The following ELMO1 variants were observed in gnomAD, a reference collection of about 807,000 sequenced individuals.
ELMO1 encodes the protein engulfment and cell motility protein 1.
In ELMO1, 26 loss-of-function variants were observed where a neutral mutation model predicts 98.9. The ratio of observed to expected loss-of-function variants is 0.26; its 90% confidence interval spans 0.19 to 0.36. ELMO1 has a LOEUF of 0.36. ELMO1 is among the 10% of genes least tolerant of loss of function. The probability of loss-of-function intolerance (pLI) is 1.00; values close to 1 mark genes in which losing one functional copy is unlikely to be tolerated. For synonymous variants in ELMO1, 346 were observed against 346.0 expected (o/e 1.00, Z 0.00); for missense variants, 627 against 935.2 (o/e 0.67, Z 4.30).
intron 6 of ELMO1, among the ~76,000 whole-genome samples, chr7:37,257,968 T>G (rs1795772362): frequency 6.6e-6 from 1 of 151,486 alleles, no homozygotes; most frequent in African/African-American, 2.4e-5. Flanking sequence ...ACCCCATCTC[T>G]ACTAAAAATA....
intron 13 of ELMO1, among the ~76,000 whole-genome samples, chr7:37,175,970 T>C (rs369989223): frequency 6.6e-6 from 1 of 152,204 alleles, no homozygotes; most frequent in African/African-American, 2.4e-5. Flanking sequence ...CTGCAATACC[T>C]GAAAATGATT....
intron 2 of ELMO1, among the ~76,000 whole-genome samples, chr7:37,331,697 C>CA (rs1449200835): frequency 6.6e-6 from 1 of 151,908 alleles, no homozygotes. Flanking sequence ...GGAAGAGGTC[C>CA]AGAGAGGGTG....
intron 20 of ELMO1, among the ~76,000 whole-genome samples, chr7:36,868,997 T>G (rs1803283422): frequency 6.6e-6 from 1 of 152,130 alleles, no homozygotes; most frequent in Admixed American, 6.5e-5. Flanking sequence ...CGGCTAGTGT[T>G]GAAGAAAGTC....
At chr7:37,176,703 A>C (rs1218650052) in intron 13 of ELMO1, among the ~76,000 whole-genome samples, 1 of 152,238 alleles carries the variant, frequency 6.6e-6, no homozygotes, top group Non-Finnish European at 1.5e-5. Flanking sequence ...AATGACCAAA[A>C]ACTGGAAGCA....
chr7:36,894,372 G>A (rs913542293), intron 17 of ELMO1, among the ~76,000 whole-genome samples: 5 of 152,116 alleles, frequency 3.3e-5, no homozygotes, highest in Admixed American at 2.0e-4. Flanking sequence ...GTGCCAACAG[G>A]GCAAAGAGGA....
intron 16 of ELMO1, among the ~76,000 whole-genome samples, chr7:36,918,641 G>A (rs895286808): frequency 2.0e-5 from 3 of 152,226 alleles, no homozygotes; most frequent in African/African-American, 7.2e-5. Flanking sequence ...TTAGCCTTGT[G>A]CTGGAGGGTC....
chr7:36,952,207 G>C (rs558670746), intron 16 of ELMO1, among the ~76,000 whole-genome samples: 3 of 152,346 alleles, frequency 2.0e-5, no homozygotes, highest in South Asian at 4.1e-4. Flanking sequence ...ATCCTGAGAA[G>C]AGGCTTCCAG....
At chr7:36,879,360 T>C (rs538284064) in intron 18 of ELMO1, among the ~76,000 whole-genome samples, 24 of 152,356 alleles carry the variant, frequency 1.6e-4, no homozygotes, top group Admixed American at 7.2e-4. Context: ...ACAAGCCCCT[T>C]TGCACCACTG....
At chr7:37,190,026 C>T (rs1467439376) in intron 13 of ELMO1, among the ~76,000 whole-genome samples, 4 of 106,894 alleles carry the variant, frequency 3.7e-5, no homozygotes, top group Non-Finnish European at 5.5e-5. Context: ...GACATTTTAT[C>T]GTTTTGTCCC....
chr7:36,883,033 C>A (rs571263179), intron 18 of ELMO1, among the ~76,000 whole-genome samples: 26 of 152,184 alleles, frequency 1.7e-4, no homozygotes, highest in African/African-American at 6.3e-4. Flanking sequence ...CTGCTCCCCA[C>A]AACAGGGCAA....
intron 15 of ELMO1, among the ~76,000 whole-genome samples, chr7:37,095,153 C>T (rs1172725461): frequency 6.6e-6 from 1 of 152,180 alleles, no homozygotes; most frequent in Admixed American, 6.5e-5. Flanking sequence ...CACAGAAACA[C>T]CTGCCTGGTA....
At chr7:37,003,949 A>T (rs1792867499) in intron 16 of ELMO1, among the ~76,000 whole-genome samples, 1 of 152,176 alleles carries the variant, frequency 6.6e-6, no homozygotes, top group South Asian at 2.1e-4. Context: ...AATAGGGGGC[A>T]CCTATATGAC....
At chr7:37,335,859 C>T (rs1800374570) in intron 2 of ELMO1, among the ~76,000 whole-genome samples, 1 of 152,204 alleles carries the variant, frequency 6.6e-6, no homozygotes, top group Non-Finnish European at 1.5e-5. Context: ...CCCGTGCTGG[C>T]TTTTCTTGGG....
chr7:36,919,364 C>T (rs777224544), intron 16 of ELMO1: 1 of 532,214 alleles, frequency 1.9e-6, no homozygotes, highest in African/African-American at 1.9e-5. Flanking sequence ...TCAGGCTATC[C>T]CTGACAAATT....
intron 1 of ELMO1, among the ~76,000 whole-genome samples, chr7:37,417,744 A>C (rs1469810310): frequency 6.6e-6 from 1 of 152,112 alleles, no homozygotes; most frequent in Non-Finnish European, 1.5e-5. Context: ...CGGGAGGCTG[A>C]GGCAGGAGAA....
At chr7:37,284,464 G>A (rs925068604) in intron 4 of ELMO1, among the ~76,000 whole-genome samples, 2 of 152,114 alleles carry the variant, frequency 1.3e-5, no homozygotes, top group African/African-American at 2.4e-5. Context: ...CTCCCTCCAC[G>A]GCAGAGCTTG....
intron 1 of ELMO1, among the ~76,000 whole-genome samples, chr7:37,409,117 CAG>C (rs1015041194): frequency 1.5e-5 from 2 of 136,704 alleles, no homozygotes; most frequent in East Asian, 2.2e-4. Context: ...TGACACACAG[CAG>C]AGTTTTGCAA....
intron 16 of ELMO1, among the ~76,000 whole-genome samples, chr7:36,923,825 T>A (rs924522398): frequency 6.6e-6 from 1 of 152,076 alleles, no homozygotes; most frequent in African/African-American, 2.4e-5. Context: ...TCACGAATGA[T>A]AAGTAGGAAT....
intron 15 of ELMO1, among the ~76,000 whole-genome samples, chr7:37,033,816 A>C (rs570540974): frequency 6.6e-6 from 1 of 152,278 alleles, no homozygotes; most frequent in East Asian, 1.9e-4. Context: ...AAGACTATTC[A>C]TTGCCCGAGG....
Sources: gnomAD v4.1 joint callset for allele counts (sites outside exome capture counted in the v4.1 genomes callset) on GRCh38, gnomAD v4.1.1 for gene constraint, MANE v1.5 for transcripts, NCBI Gene and HGNC (gene_info 2026-07-23, HGNC 2026-07-21) for gene names.